Variants in PLA2G5 observed in about 807,000 individuals in gnomAD.
PLA2G5 encodes Ca2+-dependent phospholipase A2.
In PLA2G5, 12 loss-of-function variants were observed where a neutral mutation model predicts 15.9. The observed-to-expected ratio is 0.76, with a 90% CI of 0.48 to 1.23. The LOEUF (loss-of-function observed/expected upper bound fraction) is 1.23, where lower values mean the gene tolerates loss of function less well. Ranked by LOEUF, PLA2G5 falls within the 50% of genes most tolerant of loss-of-function variation. The probability of loss-of-function intolerance (pLI) is 0.00; values close to 1 mark genes in which losing one functional copy is unlikely to be tolerated. For synonymous variants in PLA2G5, 71 were observed against 71.4 expected, an observed-to-expected ratio of 0.99 and a Z score of 0.03; for missense variants, 169 against 177.1, an observed-to-expected ratio of 0.95 and a Z score of 0.26.
At chr1:20,083,903 G>C (rs879846640) in intron 1 of PLA2G5, among the ~76,000 whole-genome samples, 1 of 151,760 alleles carries the variant, frequency 6.6e-6, no homozygotes, top group African/African-American at 2.4e-5. Flanking sequence ...TGAGCCCCCA[G>C]GGTTGACTTA....
chr1:20,032,834 G>A (rs1199638224), intron 1 of PLA2G5, among the ~76,000 whole-genome samples: 1 of 152,154 alleles, frequency 6.6e-6, no homozygotes, highest in African/African-American at 2.4e-5. Context: ...GGGTTTTAAG[G>A]GGTGCCTGCC....
intron 1 of PLA2G5, among the ~76,000 whole-genome samples, chr1:20,029,247 C>A (rs1184274524): frequency 1.3e-5 from 2 of 152,148 alleles, no homozygotes; most frequent in African/African-American, 4.8e-5. Context: ...CTGCCCCCAC[C>A]AAACTCCATG....
At chr1:20,040,078 TAAAC>T (rs140143396) in intron 1 of PLA2G5, among the ~76,000 whole-genome samples, 11,143 of 152,224 alleles carry the variant, frequency 0.073, 518 homozygotes, top group African/African-American at 0.14. Context: ...AGAATATCAT[TAAAC>T]AAACAAACAC....
chr1:20,075,868 CTTTTTTTTTTT>C (rs534879331), intron 1 of PLA2G5, among the ~76,000 whole-genome samples: 2 of 121,780 alleles, frequency 1.6e-5, no homozygotes, highest in African/African-American at 3.1e-5. Context: ...ATTTCTTTCT[CTTTTTTTTTTT>C]TTTTTTTTTT....
At chr1:20,036,051 G>A (rs1410562920) in intron 1 of PLA2G5, among the ~76,000 whole-genome samples, 2 of 152,172 alleles carry the variant, frequency 1.3e-5, no homozygotes, top group African/African-American at 4.8e-5. Flanking sequence ...TGTTTAAAGA[G>A]ACTAAAGATA....
intron 1 of PLA2G5, among the ~76,000 whole-genome samples, chr1:20,055,163 C>T (rs990838100): frequency 5.9e-5 from 9 of 152,184 alleles, no homozygotes; most frequent in African/African-American, 1.9e-4. Context: ...GCATTTCAAT[C>T]TGGCAACACA....
In PLA2G5 at chr1:20,073,141, C is replaced by T. The variant is rs142829713; in HGVS notation, c.-11+2676C>T. ...TCTCCCTCCTCAAAAAAAGAAGGGACATTAACCATGTGGAAAAACAAGTAG... is the reference window on the plus strand; with the variant it reads ...TCTCCCTCCTCAAAAAAAGAAGGGATATTAACCATGTGGAAAAACAAGTAG... On this transcript the variant is annotated intron_variant, in intron 1 of 4. Coordinates refer to ENST00000375108, the MANE Select transcript of PLA2G5 (RefSeq NM_000929.3). Among the ~76,000 whole-genome samples, 4 of 152,124 alleles carry T rather than the reference C, an allele frequency of 2.6e-5. No homozygotes were observed. In the East Asian group the frequency reaches 5.8e-4, roughly 22 times the overall value.
Position 20,039,122 on chromosome 1 carries a change from C to T in PLA2G5, n.276+10413C>T, listed in dbSNP as rs141353958. On this transcript the variant is annotated intron_variant and non_coding_transcript_variant, in intron 1 of 6. Transcript: ENST00000460175. ...TTCACTGTCTGTGGATGTAGGTTGT[C>T]CATCGAGCAAGAATCTGTGACTGAG... Among the ~76,000 whole-genome samples, 190 of 152,248 alleles carry T rather than the reference C, an allele frequency of 1.2e-3. 1 individual carries two copies. Among genetic ancestry groups the T allele is most frequent in the Non-Finnish European group, 2.2e-3 (149 of 68,022 alleles).
chr1:20,041,587 C>T (rs1055706832), intron 1 of PLA2G5, among the ~76,000 whole-genome samples: 1 of 152,058 alleles, frequency 6.6e-6, no homozygotes, highest in African/African-American at 2.4e-5. Context: ...AGATAGAACA[C>T]TGAGAAGTGA....
Position 20,084,651 on chromosome 1 carries a change from TG to T in PLA2G5, c.-10-168del, listed in dbSNP as rs1308213369. On this transcript the variant is annotated intron_variant, in intron 1 of 4. Coordinates refer to ENST00000375108, the MANE Select transcript of PLA2G5 (RefSeq NM_000929.3). Reference sequence around the variant, plus strand: ...GTCCCTCTGCCTCCAGGGCCCTCAGTGGACCTACAGTTTTTTGCCTCATCTT... The same window carrying T: ...GTCCCTCTGCCTCCAGGGCCCTCAGTGACCTACAGTTTTTTGCCTCATCTT... Among the ~76,000 whole-genome samples, 2 of 152,154 alleles carry T rather than the reference TG, an allele frequency of 1.3e-5. 1 individual carries two copies. The highest frequency in any genetic ancestry group is 4.8e-5 in the African/African-American group (2 of 41,438).
rs144359261 is a variant in PLA2G5, at chr1:20,037,211, A to C, written n.276+8502A>C. On this transcript the variant is annotated intron_variant and non_coding_transcript_variant, in intron 1 of 6. Transcript: ENST00000460175. The stretch of plus-strand genomic sequence containing the variant: ...TGTCAGAGGAAAGATCTGGGGTTCA[A>C]GCGTTGCTGTTCAGATTCTTTTGTT... Among the ~76,000 whole-genome samples, 816 of 152,292 alleles carry C rather than the reference A, an allele frequency of 5.4e-3. 3 individuals are homozygous for C. Among genetic ancestry groups the C allele is most frequent in the Non-Finnish European group, 7.9e-3 (539 of 68,022 alleles).
chr1:20,057,511 T>C (rs1349794279), intron 1 of PLA2G5, among the ~76,000 whole-genome samples: 1 of 152,174 alleles, frequency 6.6e-6, no homozygotes, highest in African/African-American at 2.4e-5. Flanking sequence ...TATATATGTC[T>C]TTATATTTAA....
At chr1:20,035,191 T>C (rs1251939996) in intron 1 of PLA2G5, among the ~76,000 whole-genome samples, 6 of 152,146 alleles carry the variant, frequency 3.9e-5, no homozygotes, top group Admixed American at 1.3e-4. Flanking sequence ...AAATCCAGGC[T>C]TTATGTCCAG....
In PLA2G5 at chr1:20,063,989, G is replaced by A. The variant is rs577109569; in HGVS notation, n.337+4297G>A. Among the ~76,000 whole-genome samples the A allele has an allele frequency of 7.2e-5, 11 of 152,284 alleles. No individual in the cohort carries two copies. In the East Asian group the frequency reaches 7.7e-4, roughly 11 times the overall value. On this transcript the variant is annotated intron_variant and non_coding_transcript_variant, in intron 2 of 6. Transcript: ENST00000460175. ...GGCAACTCTGGCAGTGACCTTGATC[G>A]CCTCTAGAATGCAAAATGCACTTGA... is the stretch of plus-strand genomic sequence containing the variant.
chr1:20,073,457 G>C (rs768620816), intron 1 of PLA2G5, among the ~76,000 whole-genome samples: 2 of 152,174 alleles, frequency 1.3e-5, no homozygotes, highest in Non-Finnish European at 2.9e-5. Context: ...AGAACTAGTG[G>C]TGTGTATCTT....
intron 1 of PLA2G5, among the ~76,000 whole-genome samples, chr1:20,049,884 C>T (rs773101596): frequency 1.3e-4 from 20 of 152,174 alleles, no homozygotes; most frequent in African/African-American, 3.6e-4. Context: ...GAAATAGTAA[C>T]GCTCTCCTTC....
rs970312433 is a variant in PLA2G5 at position 20,091,626 on chromosome 1, A to AT, written c.*943dup. 1.3e-5 allele frequency among the ~76,000 whole-genome samples: 2 copies of AT among 151,752 alleles called. No homozygotes were observed. Among genetic ancestry groups the AT allele is most frequent in the East Asian group, 1.9e-4 (1 of 5,194 alleles). On this transcript the variant is annotated 3_prime_UTR_variant, in exon 5 of 5. Coordinates refer to ENST00000375108, the MANE Select transcript of PLA2G5 (RefSeq NM_000929.3). ...GGTTCTAGGATTTCACACAGCAGGA[A>AT]TTTTTTTTTAATAGGTGTCAGCTGT... is the stretch of plus-strand genomic sequence containing the variant.
intron 1 of PLA2G5, among the ~76,000 whole-genome samples, chr1:20,054,070 T>C (rs1264445997): frequency 6.7e-6 from 1 of 149,344 alleles, no homozygotes; most frequent in Non-Finnish European, 1.5e-5. Flanking sequence ...ATCATAACCC[T>C]CCACTTGGTC....
chr1:20,084,687 G>A (rs2016195355), intron 1 of PLA2G5, 134 bp from the exon 2 acceptor site: 2 of 705,082 alleles, frequency 2.8e-6, no homozygotes, highest in African/African-American at 3.5e-5. Context: ...TTTCTGGCTG[G>A]ACTCATCTTG....
Sources: allele counts gnomAD v4.1 joint callset (sites outside exome capture counted in the v4.1 genomes callset), GRCh38; gene constraint gnomAD v4.1.1; transcripts MANE v1.5; gene names NCBI Gene and HGNC (gene_info 2026-07-23, HGNC 2026-07-21).